The following SCAMP2 variants were observed in gnomAD, a reference collection of about 807,000 sequenced individuals.
SCAMP2 encodes the protein secretory carrier-associated membrane protein 2.
In SCAMP2, 25 loss-of-function variants were observed where a neutral mutation model predicts 44.1. The observed-to-expected ratio is 0.57, with a 90% CI of 0.41 to 0.79. The LOEUF is 0.79. Among genes scored for constraint, SCAMP2 ranks in the 30% least tolerant of loss-of-function variants. The pLI, the probability that SCAMP2 is intolerant of heterozygous loss-of-function variation, is 0.00. For missense variants in SCAMP2, 355 were observed against 411.0 expected, an observed-to-expected ratio of 0.86 and a Z score of 1.18; for synonymous variants, 156 against 166.0, an observed-to-expected ratio of 0.94 and a Z score of 0.46.
intron 1 of SCAMP2, among the ~76,000 whole-genome samples, chr15:74,861,774 G>A (rs1203154813): frequency 1.3e-5 from 2 of 151,754 alleles, no homozygotes; most frequent in African/African-American, 4.8e-5. Context: ...GGTGGCGGGC[G>A]CCTGTAGTCC....
intron 7 of SCAMP2, among the ~76,000 whole-genome samples, chr15:74,847,251 C>T (rs2064405802): frequency 6.6e-6 from 1 of 152,126 alleles, no homozygotes; most frequent in African/African-American, 2.4e-5. Flanking sequence ...ACCAATGCGC[C>T]TGGCCAATTT....
intron 6 of SCAMP2, 83 bp downstream of exon 6, chr15:74,850,431 T>TG (rs1264880632): frequency 7.4e-6 from 9 of 1,212,354 alleles, no homozygotes; most frequent in African/African-American, 1.5e-5. Flanking sequence ...AAGACTCAGA[T>TG]GGGGTCCCAG....
intron 1 of SCAMP2, among the ~76,000 whole-genome samples, chr15:74,860,518 A>G (rs894679329): frequency 1.3e-5 from 2 of 151,634 alleles, no homozygotes; most frequent in African/African-American, 2.4e-5. Context: ...GCAAAACCCC[A>G]TATCTACTAA....
Position 74,844,103 on chromosome 15 carries a change from C to T in SCAMP2, c.*980G>A, listed in dbSNP as rs872263. 0.17 allele frequency: 26,300 copies of T among 151,434 alleles called. 3,325 individuals carry two copies. Among genetic ancestry groups the T allele is most frequent in the East Asian group, 0.57 (2,907 of 5,078 alleles). The allele number at this position is 151,434 out of a possible 1,614,324, so 9.4% of individuals were successfully genotyped here. ...AGGGATGCGGTTCTGGACTGGCTGG[C>T]CCTGCCCTTCCTGAAAGTCTGGATG... On this transcript the variant is annotated 3_prime_UTR_variant, in exon 9 of 9. Transcript: ENST00000268099.
chr15:74,861,202 T>A (rs2064500904), intron 1 of SCAMP2, among the ~76,000 whole-genome samples: 1 of 152,042 alleles, frequency 6.6e-6, no homozygotes, highest in Non-Finnish European at 1.5e-5. Context: ...AAATAAATTT[T>A]AAAACATTAA....
chr15:74,851,540 T>C, intron 4 of SCAMP2, 59 bp from the exon 5 acceptor site: 1 of 1,602,842 alleles, frequency 6.2e-7, no homozygotes, highest in African/African-American at 1.3e-5. Context: ...GGCATCAAGG[T>C]GCATGCACGC....
Position 74,873,172 on chromosome 15 carries a change from A to C in SCAMP2, c.57+27T>G, listed in dbSNP as rs201810913. On this transcript the variant is annotated intron_variant, in intron 1 of 8. Coordinates refer to ENST00000268099, the MANE Select transcript of SCAMP2 (RefSeq NM_005697.5). Reference sequence around the variant, plus strand: ...GCCGTGGGCCCTAGGGAAATCTGAGAGCTGGATGGCGGGAGAGGGGCTCTA... The same window carrying C: ...GCCGTGGGCCCTAGGGAAATCTGAGCGCTGGATGGCGGGAGAGGGGCTCTA... 3,485 of 1,426,000 alleles carry C rather than the reference A, an allele frequency of 2.4e-3. 12 individuals carry two copies. The highest frequency in any genetic ancestry group is 3.9e-3 in the Admixed American group (102 of 25,956). 88.3% of individuals were successfully genotyped at this position (1,426,000 alleles called of 1,614,324 possible).
At chr15:74,858,325 C>T (rs962611020) in intron 1 of SCAMP2, among the ~76,000 whole-genome samples, 7 of 152,182 alleles carry the variant, frequency 4.6e-5, no homozygotes, top group African/African-American at 1.7e-4. Flanking sequence ...TTATGACCCC[C>T]TAATCCACTA....
At chr15:74,862,262 C>A (rs1346883455) in intron 1 of SCAMP2, among the ~76,000 whole-genome samples, 1 of 12,550 alleles carries the variant, frequency 8.0e-5, no homozygotes, top group Non-Finnish European at 2.8e-4. Context: ...GACTCTGTCT[C>A]CAAAAAAAAA....
chr15:74,871,265 G>A (rs1460461731), intron 1 of SCAMP2, among the ~76,000 whole-genome samples: 3 of 151,528 alleles, frequency 2.0e-5, no homozygotes, highest in African/African-American at 7.3e-5. Context: ...ACCAGCTTGG[G>A]CATCACAGCG....
Position 74,869,146 on chromosome 15 carries a change from A to G in SCAMP2, c.57+4053T>C, listed in dbSNP as rs534360070. Among the ~76,000 whole-genome samples the G allele has an allele frequency of 6.6e-5, 10 of 152,212 alleles. No homozygotes were observed. In the South Asian group the frequency reaches 1.9e-3, roughly 28 times the overall value. On this transcript the variant is annotated intron_variant, in intron 1 of 8. Transcript: ENST00000268099. ...TCTAGCCTGGGCAAAAGAGCGAAAC[A>G]CCATCTCAAAAAACATAAACAAAGA...
intron 1 of SCAMP2, among the ~76,000 whole-genome samples, chr15:74,856,332 T>C (rs559747286): frequency 1.4e-5 from 2 of 138,168 alleles, no homozygotes; most frequent in African/African-American, 5.4e-5. Context: ...TGAAGTGCAG[T>C]GGCATGATCT....
chr15:74,862,593 T>A (rs920931973), intron 1 of SCAMP2, among the ~76,000 whole-genome samples: 6 of 151,358 alleles, frequency 4.0e-5, no homozygotes, highest in Admixed American at 1.3e-4. Flanking sequence ...AAATAAATAA[T>A]TAACAATGGT....
At position 74,845,504 on chromosome 15, in the gene SCAMP2, C is replaced by T; in HGVS notation, c.824G>A (p.Cys275Tyr). Residue 275 changes from cysteine to tyrosine, a missense_variant, in exon 8 of 9, where the codon TGT becomes TAT. Transcript: ENST00000268099. The part of the protein sequence containing the change: ...MMVVAGFFTL[C>Y]AVLSVFLLQR... ...CAGGAGGAAGACTGAGAGCACGGCA[C>T]AGAGGGTGAAGAAGCCAGCCACCAC... The T allele has an allele frequency of 6.2e-7, 1 of 1,614,136 alleles. No individual in the cohort carries two copies. The highest frequency in any genetic ancestry group is 2.2e-5 in the East Asian group (1 of 44,886).
chr15:74,870,663 C>T (rs143449927), intron 1 of SCAMP2, among the ~76,000 whole-genome samples: 1 of 152,298 alleles, frequency 6.6e-6, no homozygotes, highest in East Asian at 1.9e-4. Context: ...CATTAAGCTA[C>T]GAGAGGAATG....
chr15:74,849,762 C>G (rs1300912569), intron 6 of SCAMP2, among the ~76,000 whole-genome samples: 1 of 152,090 alleles, frequency 6.6e-6, no homozygotes, highest in Non-Finnish European at 1.5e-5. Flanking sequence ...AACAATAGAA[C>G]TTGAGGATAC....
At chr15:74,845,965 C>G (rs2064396499) in intron 7 of SCAMP2, among the ~76,000 whole-genome samples, 1 of 151,646 alleles carries the variant, frequency 6.6e-6, no homozygotes, top group South Asian at 2.1e-4. Flanking sequence ...CAAGACCAAC[C>G]TGGGCAACAG....
chr15:74,847,986 A>G (rs1206588289), intron 7 of SCAMP2, among the ~76,000 whole-genome samples: 1 of 152,180 alleles, frequency 6.6e-6, no homozygotes, highest in Non-Finnish European at 1.5e-5. Flanking sequence ...AATCCAGTGC[A>G]GGACACTGTC....
intron 1 of SCAMP2, among the ~76,000 whole-genome samples, chr15:74,859,824 A>G (rs962265087): frequency 5.9e-5 from 9 of 152,026 alleles, no homozygotes; most frequent in Non-Finnish European, 8.8e-5. Context: ...ACCTCATACC[A>G]TGCGTTTCAC....
Sources: gnomAD v4.1 joint callset for allele counts (sites outside exome capture counted in the v4.1 genomes callset) on GRCh38, gnomAD v4.1.1 for gene constraint, MANE v1.5 for transcripts, NCBI Gene and HGNC (gene_info 2026-07-23, HGNC 2026-07-21) for gene names.